Variants in MAML2 observed in about 807,000 individuals in gnomAD.
MAML2 encodes mastermind like transcriptional coactivator 2.
In MAML2, 22 loss-of-function variants were observed where a neutral mutation model predicts 96.1. The observed-to-expected ratio is 0.23, with a 90% CI of 0.16 to 0.33. MAML2 has a LOEUF of 0.33. Among genes scored for constraint, MAML2 ranks in the 10% least tolerant of loss-of-function variants. MAML2 has a pLI of 1.00. For synonymous variants in MAML2, 561 were observed against 521.3 expected (o/e 1.08, Z -1.04); for missense variants, 1,367 against 1,392.4 (o/e 0.98, Z 0.29).
intron 1 of MAML2, among the ~76,000 whole-genome samples, chr11:96,106,127 C>T (rs142274612): frequency 3.9e-5 from 6 of 152,246 alleles, no homozygotes; most frequent in Admixed American, 3.9e-4. Context: ...AAGCAATGTC[C>T]TATAGCAATA....
chr11:95,996,595 C>G (rs1371634700), intron 2 of MAML2, among the ~76,000 whole-genome samples: 1 of 152,164 alleles, frequency 6.6e-6, no homozygotes, highest in African/African-American at 2.4e-5. Context: ...TAGTTTCTAA[C>G]TCATGGGTTT....
intron 2 of MAML2, among the ~76,000 whole-genome samples, chr11:96,045,332 G>A (rs1445531865): frequency 1.3e-5 from 2 of 152,144 alleles, no homozygotes; most frequent in African/African-American, 2.4e-5. Flanking sequence ...AAAGAACTGA[G>A]GCTAAGAAGA....
chr11:96,282,998 C>G (rs1471526358), intron 1 of MAML2, among the ~76,000 whole-genome samples: 1 of 152,106 alleles, frequency 6.6e-6, no homozygotes, highest in Non-Finnish European at 1.5e-5. Flanking sequence ...GGAATAGAAA[C>G]AAGTGAGATA....
At chr11:96,136,974 C>A (rs2135861827) in intron 1 of MAML2, among the ~76,000 whole-genome samples, 2 of 152,260 alleles carry the variant, frequency 1.3e-5, no homozygotes, top group East Asian at 3.9e-4. Flanking sequence ...TGCCAAAAAT[C>A]ACATCTGACT....
chr11:96,031,392 T>C (rs1858612396), intron 2 of MAML2, among the ~76,000 whole-genome samples: 1 of 152,102 alleles, frequency 6.6e-6, no homozygotes, highest in African/African-American at 2.4e-5. Flanking sequence ...AAACTGTAAA[T>C]TAGTGTTTTC....
intron 1 of MAML2, among the ~76,000 whole-genome samples, chr11:96,335,160 C>A (rs984687340): frequency 6.6e-6 from 1 of 152,156 alleles, no homozygotes; most frequent in Non-Finnish European, 1.5e-5. Flanking sequence ...AAACTGGTAT[C>A]CAACTGGACC....
At chr11:96,131,186 A>G (rs970543422) in intron 1 of MAML2, among the ~76,000 whole-genome samples, 1 of 152,206 alleles carries the variant, frequency 6.6e-6, no homozygotes, top group African/African-American at 2.4e-5. Context: ...AGAGAACAGC[A>G]TACATAAAGG....
At chr11:96,122,777 C>G (rs115039750) in intron 1 of MAML2, among the ~76,000 whole-genome samples, 1 of 152,168 alleles carries the variant, frequency 6.6e-6, no homozygotes, top group Non-Finnish European at 1.5e-5. Context: ...TGCCCAGTCT[C>G]GTTCTCAGAA....
intron 1 of MAML2, among the ~76,000 whole-genome samples, chr11:96,207,956 G>T (rs1861917197): frequency 6.6e-6 from 1 of 152,132 alleles, no homozygotes; most frequent in Non-Finnish European, 1.5e-5. Context: ...CAGAGAGGAA[G>T]CTGTCTTCCT....
chr11:96,084,351 G>A (rs757897614), intron 2 of MAML2, among the ~76,000 whole-genome samples: 42 of 152,140 alleles, frequency 2.8e-4, no homozygotes, highest in Non-Finnish European at 4.9e-4. Flanking sequence ...GCTCACTCTG[G>A]TTTCATGTTG....
chr11:96,113,184 A>C (rs9783373), intron 1 of MAML2, among the ~76,000 whole-genome samples: 17 of 148,280 alleles, frequency 1.1e-4, no homozygotes, highest in East Asian at 2.0e-4. Flanking sequence ...AAAAAAAAAA[A>C]AAAAAACTTT....
chr11:96,080,886 G>C (rs1859519784), intron 2 of MAML2, among the ~76,000 whole-genome samples: 1 of 152,196 alleles, frequency 6.6e-6, no homozygotes, highest in Non-Finnish European at 1.5e-5. Context: ...ACCTGATTCT[G>C]AGGTAGACAC....
intron 1 of MAML2, among the ~76,000 whole-genome samples, chr11:96,201,102 G>A (rs1304655248): frequency 6.6e-6 from 1 of 152,112 alleles, no homozygotes; most frequent in Non-Finnish European, 1.5e-5. Context: ...CATTGTAAGG[G>A]ATCTTCATGG....
intron 2 of MAML2, 70 bp from the exon 3 acceptor site, chr11:95,991,793 T>C (rs1857918125): frequency 4.3e-6 from 5 of 1,160,710 alleles, no homozygotes; most frequent in Non-Finnish European, 6.4e-6. Context: ...ACAAAGATCA[T>C]ACACTCAGAT....
chr11:96,002,994 TGAG>T (rs1565186611), intron 2 of MAML2, among the ~76,000 whole-genome samples: 1 of 144,632 alleles, frequency 6.9e-6, no homozygotes, highest in Non-Finnish European at 1.5e-5. Flanking sequence ...ATGGTGATGA[TGAG>T]GATGATGATG....
chr11:96,147,278 A>T (rs1367842726), intron 1 of MAML2, among the ~76,000 whole-genome samples: 1 of 152,218 alleles, frequency 6.6e-6, no homozygotes, highest in Non-Finnish European at 1.5e-5. Flanking sequence ...TTTAACTTAT[A>T]TATTTACATG....
intron 2 of MAML2, among the ~76,000 whole-genome samples, chr11:96,045,098 G>GGGT (rs1442076073): frequency 6.6e-6 from 1 of 152,014 alleles, no homozygotes; most frequent in East Asian, 1.9e-4. Context: ...GTGGAGATGG[G>GGGT]GGTGGTGGTG....
chr11:96,123,432 T>C (rs1173792836), intron 1 of MAML2, among the ~76,000 whole-genome samples: 18 of 152,032 alleles, frequency 1.2e-4, no homozygotes, highest in Non-Finnish European at 2.4e-4. Context: ...AGCCCAGTAA[T>C]GCTTGTTGAA....
intron 1 of MAML2, among the ~76,000 whole-genome samples, chr11:96,192,104 A>G (rs1861661440): frequency 6.6e-6 from 1 of 152,214 alleles, no homozygotes; most frequent in Non-Finnish European, 1.5e-5. Flanking sequence ...CAGAGTCTAA[A>G]GGAGGAAAGT....
Sources: gnomAD v4.1 joint callset for allele counts (sites outside exome capture counted in the v4.1 genomes callset) on GRCh38, gnomAD v4.1.1 for gene constraint, MANE v1.5 for transcripts, NCBI Gene and HGNC (gene_info 2026-07-23, HGNC 2026-07-21) for gene names.